Variants in NOX4 observed in about 807,000 individuals in gnomAD.
NOX4 encodes the protein NADPH oxidase 4, also known as kidney oxidase-1.
In NOX4, 69 loss-of-function variants were observed where a neutral mutation model predicts 87.6. The ratio of observed to expected loss-of-function variants is 0.79; its 90% CI spans 0.65 to 0.96. The LOEUF is 0.96. NOX4 is among the 40% of genes least tolerant of loss of function. NOX4 has a pLI of 0.00. For synonymous variants in NOX4, 275 were observed against 238.2 expected (o/e 1.15, Z -1.42); for missense variants, 680 against 681.5 (o/e 1.00, Z 0.02).
chr11:89,379,894 G>GT (rs1382496476), intron 11 of NOX4, among the ~76,000 whole-genome samples: 2 of 152,150 alleles, frequency 1.3e-5, no homozygotes, highest in Admixed American at 1.3e-4. Flanking sequence ...TGGACCCCCT[G>GT]TTTCTGCACT....
At chr11:89,455,528 A>G (rs991686716) in intron 2 of NOX4, among the ~76,000 whole-genome samples, 2 of 152,128 alleles carry the variant, frequency 1.3e-5, no homozygotes, top group Non-Finnish European at 2.9e-5. Context: ...AAACACAGGT[A>G]CCATGCTCTG....
intron 11 of NOX4, among the ~76,000 whole-genome samples, chr11:89,386,639 C>T (rs1022081627): frequency 4.6e-5 from 7 of 152,064 alleles, no homozygotes; most frequent in African/African-American, 1.7e-4. Context: ...TTTCTCTTTC[C>T]TCCAAAATCG....
At chr11:89,567,131 G>A in the NOX4 span, among the ~76,000 whole-genome samples, 1 of 152,176 alleles carries the variant, frequency 6.6e-6, no homozygotes, top group Non-Finnish European at 1.5e-5. Context: ...GGGCCAGTCT[G>A]ATCTGAACAC....
At chr11:89,343,580 G>A (rs866211322) in intron 13 of NOX4, among the ~76,000 whole-genome samples, 4 of 151,938 alleles carry the variant, frequency 2.6e-5, no homozygotes, top group East Asian at 1.9e-4. Flanking sequence ...AGATGGAAAC[G>A]GAAACTACTT....
the NOX4 span, among the ~76,000 whole-genome samples, chr11:89,542,851 C>T: frequency 5.3e-5 from 8 of 152,144 alleles, no homozygotes; most frequent in African/African-American, 1.4e-4. Context: ...TAGCAAGAGA[C>T]GCACTCCAAC....
chr11:89,498,492 C>T (rs1216733501), upstream of NOX4, among the ~76,000 whole-genome samples: 3 of 152,032 alleles, frequency 2.0e-5, no homozygotes, highest in East Asian at 1.9e-4. Context: ...TGTTGACTTG[C>T]GTTAATGCTT....
chr11:89,539,462 A>G, the NOX4 span, among the ~76,000 whole-genome samples: 1 of 151,852 alleles, frequency 6.6e-6, no homozygotes, highest in Non-Finnish European at 1.5e-5. Context: ...AAATAAATAA[A>G]CTGTTGTTGT....
chr11:89,358,187 C>A (rs1442160509), intron 12 of NOX4, among the ~76,000 whole-genome samples: 2 of 151,750 alleles, frequency 1.3e-5, no homozygotes, highest in African/African-American at 2.4e-5. Context: ...GAGTTTGAGA[C>A]CAGCCTGACC....
upstream of NOX4, among the ~76,000 whole-genome samples, chr11:89,496,890 C>A (rs188017371): frequency 5.9e-3 from 890 of 152,126 alleles, 8 homozygotes; most frequent in African/African-American, 0.02. Context: ...CCATTATTTT[C>A]TTCATTCTAA....
chr11:89,385,627 A>G (rs893793186), intron 11 of NOX4, among the ~76,000 whole-genome samples: 9 of 152,124 alleles, frequency 5.9e-5, no homozygotes, highest in African/African-American at 2.2e-4. Flanking sequence ...ATGGAAATCT[A>G]TCCTCAAGGA....
intron 14 of NOX4, among the ~76,000 whole-genome samples, 186 bp downstream of exon 14, chr11:89,341,888 T>C (rs527353471): frequency 3.9e-5 from 6 of 152,340 alleles, no homozygotes; most frequent in African/African-American, 1.4e-4. Context: ...TACAAGAGAA[T>C]ATGCTAGCAG....
chr11:89,581,723 A>T, the NOX4 span, among the ~76,000 whole-genome samples: 1 of 152,172 alleles, frequency 6.6e-6, no homozygotes, highest in East Asian at 1.9e-4. Context: ...TATAATCTAC[A>T]TACAAAATGC....
chr11:89,341,105 C>T (rs1353800476), intron 14 of NOX4, among the ~76,000 whole-genome samples: 4 of 148,934 alleles, frequency 2.7e-5, no homozygotes, highest in Admixed American at 2.0e-4. Context: ...TTTAGTATTT[C>T]CTGGTCAGAC....
chr11:89,561,206 A>G, the NOX4 span, among the ~76,000 whole-genome samples: 1 of 150,622 alleles, frequency 6.6e-6, no homozygotes, highest in African/African-American at 2.4e-5. Flanking sequence ...AATTCCATAA[A>G]GGATTACAAT....
At chr11:89,415,354 C>A (rs1479977211) in intron 8 of NOX4, among the ~76,000 whole-genome samples, 1 of 151,986 alleles carries the variant, frequency 6.6e-6, no homozygotes, top group African/African-American at 2.4e-5. Flanking sequence ...AAAAATGCCC[C>A]AGTGGCTTTT....
At chr11:89,475,796 G>A (rs989109870) in intron 2 of NOX4, among the ~76,000 whole-genome samples, 1 of 151,954 alleles carries the variant, frequency 6.6e-6, no homozygotes, top group African/African-American at 2.4e-5. Context: ...TGAGGCACTG[G>A]GAGGGCACAA....
the NOX4 span, among the ~76,000 whole-genome samples, chr11:89,543,861 G>C: frequency 2.6e-5 from 4 of 151,918 alleles, no homozygotes; most frequent in Non-Finnish European, 5.9e-5. Flanking sequence ...TCAAGAAATA[G>C]AATTATACAC....
rs1471415631 is a variant in NOX4 at position 89,325,278 on chromosome 11, C to A, written c.*1478G>T. 3 of 151,954 alleles carry A rather than the reference C, an allele frequency of 2.0e-5. No homozygotes were observed. Among genetic ancestry groups the A allele is most frequent in the African/African-American group, 7.3e-5 (3 of 41,356 alleles). 9.4% of individuals were successfully genotyped at this position (151,954 alleles called of 1,614,324 possible). A position where few individuals can be genotyped will look rare whatever the true frequency, so the allele number is the denominator to read the frequency against. On this transcript the variant is annotated 3_prime_UTR_variant, in exon 18 of 18. Transcript: ENST00000263317. ...AGTTGGGATTATAGGCACCCGCCAC[C>A]ACACCCGCCTAATATTTGTATTTTT...
chr11:89,459,911 T>C (rs1945374156), intron 2 of NOX4, among the ~76,000 whole-genome samples: 1 of 152,104 alleles, frequency 6.6e-6, no homozygotes. Context: ...CTTCAAACTA[T>C]ACTACAAGGC....
Sources: gnomAD v4.1 joint callset for allele counts (sites outside exome capture counted in the v4.1 genomes callset) on GRCh38, gnomAD v4.1.1 for gene constraint, MANE v1.5 for transcripts, NCBI Gene and HGNC (gene_info 2026-07-23, HGNC 2026-07-21) for gene names.